MEGF10: variants seen among roughly 807,000 people sequenced by gnomAD.
MEGF10 encodes the protein multiple epidermal growth factor-like domains protein 10.
MEGF10 carries 86 observed loss-of-function variants against 147.5 expected under a neutral mutation model. The ratio of observed to expected loss-of-function variants is 0.58; its 90% CI spans 0.49 to 0.70. MEGF10 has a LOEUF of 0.70. Ranked by LOEUF, MEGF10 falls within the 30% of genes least tolerant of loss-of-function variation. MEGF10 has a pLI of 0.00. For missense variants in MEGF10, 1,329 were observed against 1,487.3 expected, an observed-to-expected ratio of 0.89 and a Z score of 1.75; for synonymous variants, 478 against 525.5, an observed-to-expected ratio of 0.91 and a Z score of 1.24.
At chr5:127,412,284 G>C (rs6894205) in intron 9 of MEGF10, among the ~76,000 whole-genome samples, 1 of 151,964 alleles carries the variant, frequency 6.6e-6, no homozygotes, top group African/African-American at 2.4e-5. Context: ...TAGCTTTTAC[G>C]AATTTCTATT....
chr5:127,409,009 C>T (rs572627985), intron 8 of MEGF10, among the ~76,000 whole-genome samples: 2 of 152,042 alleles, frequency 1.3e-5, no homozygotes, highest in South Asian at 2.1e-4. Context: ...CCCAGGAGTT[C>T]GAGGTTACAG....
intron 1 of MEGF10, among the ~76,000 whole-genome samples, chr5:127,307,334 G>A (rs1760060125): frequency 6.6e-6 from 1 of 152,150 alleles, no homozygotes; most frequent in Non-Finnish European, 1.5e-5. Context: ...CCATGTCTGG[G>A]CTGTTGGGGT....
intron 13 of MEGF10, chr5:127,424,460 A>C (rs1765141615): frequency 4.0e-6 from 5 of 1,260,128 alleles, no homozygotes; most frequent in Non-Finnish European, 5.5e-6. Context: ...CAATTTGGGG[A>C]ATACTGTCCA....
Position 127,448,558 on chromosome 5 carries a change from G to T in MEGF10, c.2857-541G>T, listed in dbSNP as rs562988653. ...AAATCAAGCTAATTAAGTTAATCCA[G>T]TTGTAATTTAATTAATGCAGCTATA... On this transcript the variant is annotated intron_variant, in intron 21 of 24. Coordinates refer to ENST00000503335, the MANE Select transcript of MEGF10 (RefSeq NM_001256545.2). Among the ~76,000 whole-genome samples the T allele has an allele frequency of 2.0e-5, 3 of 152,232 alleles. No individual in the cohort carries two copies. The East Asian group carries it at 5.8e-4, about 29-fold the overall frequency.
chr5:127,443,188 A>G (rs1765820629), intron 19 of MEGF10, 62 bp downstream of exon 19: 2 of 1,472,678 alleles, frequency 1.4e-6, no homozygotes, highest in East Asian at 2.5e-5. Flanking sequence ...GTACCAGGCA[A>G]TGTGAAGTAT....
chr5:127,268,233 T>C, the MEGF10 span, among the ~76,000 whole-genome samples: 1 of 152,130 alleles, frequency 6.6e-6, no homozygotes, highest in East Asian at 1.9e-4. Flanking sequence ...CAGTTTTGAG[T>C]GAGTTTCTTA....
chr5:127,435,968 C>T (rs1037981401), intron 16 of MEGF10, among the ~76,000 whole-genome samples: 2 of 152,266 alleles, frequency 1.3e-5, no homozygotes, highest in South Asian at 2.1e-4. Flanking sequence ...GGATTTCAGA[C>T]AGGAATTGTG....
the MEGF10 span, among the ~76,000 whole-genome samples, chr5:127,277,880 G>A: frequency 6.6e-6 from 1 of 152,142 alleles, no homozygotes; most frequent in African/African-American, 2.4e-5. Flanking sequence ...AGATGACAAG[G>A]ATGAATTTGG....
chr5:127,294,756 G>A (rs1019651372), intron 1 of MEGF10, among the ~76,000 whole-genome samples: 45 of 150,950 alleles, frequency 3.0e-4, no homozygotes, highest in Admixed American at 2.6e-3. Flanking sequence ...CTGAGATCGC[G>A]ACACTGCACT....
chr5:127,333,132 C>T (rs1761330411), intron 2 of MEGF10, among the ~76,000 whole-genome samples: 1 of 151,816 alleles, frequency 6.6e-6, no homozygotes, highest in Admixed American at 6.6e-5. Context: ...AAAATATGGG[C>T]CTGGAAGTAT....
chr5:127,275,339 CAG>C, the MEGF10 span, among the ~76,000 whole-genome samples: 1 of 152,088 alleles, frequency 6.6e-6, no homozygotes, highest in African/African-American at 2.4e-5. Context: ...GAGAGTGAGT[CAG>C]GGGCCTGCCA....
chr5:127,299,365 A>C (rs1759663758), intron 1 of MEGF10, among the ~76,000 whole-genome samples: 1 of 152,162 alleles, frequency 6.6e-6, no homozygotes, highest in Admixed American at 6.5e-5. Flanking sequence ...AATGAGTGCC[A>C]TTAGAAAGTT....
intron 9 of MEGF10, among the ~76,000 whole-genome samples, chr5:127,414,332 G>A (rs2126960082): frequency 6.6e-6 from 1 of 151,806 alleles, no homozygotes. Context: ...ACCCTTTCTA[G>A]GCCTCTATTT....
intron 1 of MEGF10, among the ~76,000 whole-genome samples, chr5:127,294,579 A>G (rs1759409004): frequency 6.6e-6 from 1 of 152,096 alleles, no homozygotes; most frequent in Non-Finnish European, 1.5e-5. Context: ...TGGGAAGATC[A>G]CTTGAGGCCA....
upstream of MEGF10, among the ~76,000 whole-genome samples, chr5:127,286,130 T>C (rs1353922586): frequency 6.6e-6 from 1 of 152,014 alleles, no homozygotes; most frequent in African/African-American, 2.4e-5. Flanking sequence ...GAAAGTGAAA[T>C]AATGGATACC....
intron 1 of MEGF10, among the ~76,000 whole-genome samples, chr5:127,307,172 T>G (rs1348173060): frequency 1.3e-5 from 2 of 152,214 alleles, no homozygotes; most frequent in African/African-American, 2.4e-5. Context: ...CTCTGGAGCC[T>G]AAAGACCTTG....
At chr5:127,242,585 T>A in the MEGF10 span, among the ~76,000 whole-genome samples, 54 of 152,312 alleles carry the variant, frequency 3.5e-4, no homozygotes, top group Non-Finnish European at 5.0e-4. Context: ...AGTTATTGAT[T>A]TCAAAAAGGG....
chr5:127,240,050 A>G, the MEGF10 span, among the ~76,000 whole-genome samples: 1 of 152,168 alleles, frequency 6.6e-6, no homozygotes, highest in Non-Finnish European at 1.5e-5. Context: ...AAGTCTATCG[A>G]GTATTTTAGG....
chr5:127,417,311 T>A (rs1764813770), intron 9 of MEGF10, among the ~76,000 whole-genome samples: 1 of 152,234 alleles, frequency 6.6e-6, no homozygotes, highest in Non-Finnish European at 1.5e-5. Flanking sequence ...GGATGGAGTT[T>A]TTTTAGCTCC....
Sources: allele counts gnomAD v4.1 joint callset (sites outside exome capture counted in the v4.1 genomes callset), GRCh38; gene constraint gnomAD v4.1.1; transcripts MANE v1.5; gene names NCBI Gene and HGNC (gene_info 2026-07-23, HGNC 2026-07-21).